XYLT1: variants seen among roughly 807,000 people sequenced by gnomAD.
The protein encoded by XYLT1 is xylosyltransferase 1.
In XYLT1, 36 loss-of-function variants were observed where a neutral mutation model predicts 91.3. That is an observed-to-expected ratio of 0.39 (90% confidence interval 0.30 to 0.52). XYLT1 has a LOEUF of 0.52. XYLT1 is among the 20% of genes least tolerant of loss of function. The probability of loss-of-function intolerance (pLI) is 0.68; values close to 1 mark genes in which losing one functional copy is unlikely to be tolerated. For synonymous variants in XYLT1, 588 were observed against 532.0 expected (o/e 1.11, Z -1.45); for missense variants, 1,242 against 1,284.5 (o/e 0.97, Z 0.51).
At chr16:17,351,832 A>G (rs1026371840) in intron 2 of XYLT1, among the ~76,000 whole-genome samples, 3 of 150,580 alleles carry the variant, frequency 2.0e-5, no homozygotes, top group Non-Finnish European at 2.9e-5. Flanking sequence ...AGCATCCTTC[A>G]CCCCGAAGTT....
At chr16:17,375,503 C>G (rs868131110) in intron 1 of XYLT1, among the ~76,000 whole-genome samples, 4 of 151,838 alleles carry the variant, frequency 2.6e-5, no homozygotes, top group South Asian at 4.2e-4. Flanking sequence ...CACACACACA[C>G]AGAAAAGATT....
intron 2 of XYLT1, among the ~76,000 whole-genome samples, chr16:17,343,024 C>A (rs1223396493): frequency 2.0e-5 from 3 of 152,128 alleles, no homozygotes; most frequent in Non-Finnish European, 2.9e-5. Context: ...CACAGCTGCC[C>A]GCAGAGAACA....
intron 8 of XYLT1, among the ~76,000 whole-genome samples, chr16:17,136,359 C>A (rs1229529257): frequency 6.6e-6 from 1 of 152,100 alleles, no homozygotes; most frequent in Non-Finnish European, 1.5e-5. Flanking sequence ...TCGTAAGTAC[C>A]CTTGGTGTTA....
intron 1 of XYLT1, 21 bp downstream of exon 1, chr16:17,470,413 C>T: frequency 8.2e-7 from 1 of 1,225,870 alleles, no homozygotes; most frequent in East Asian, 3.2e-5. Context: ...CCGCGGGGCG[C>T]GAGCCGAAAG....
At chr16:17,140,620 C>T (rs189089525) in intron 7 of XYLT1, among the ~76,000 whole-genome samples, 3 of 132,874 alleles carry the variant, frequency 2.3e-5, no homozygotes, top group East Asian at 4.5e-4. Flanking sequence ...GAGACTGTGC[C>T]ACTGCAGTCC....
intron 1 of XYLT1, among the ~76,000 whole-genome samples, chr16:17,377,175 T>TCACACACACACACACACACACACACACC (rs376242678): frequency 0.048 from 7,199 of 150,862 alleles, 223 homozygotes; most frequent in Non-Finnish European, 0.071. Context: ...AGACTCTGCC[T>TCACACACACACACACACACACACACACC]CACACACACA....
At chr16:17,207,052 CTT>C (rs1211378641) in intron 3 of XYLT1, among the ~76,000 whole-genome samples, 56 of 121,062 alleles carry the variant, frequency 4.6e-4, no homozygotes, top group African/African-American at 1.6e-3. Context: ...TCTTTTCTTT[CTT>C]TTTTTTTTTT....
chr16:17,197,962 G>A (rs1751837374), intron 5 of XYLT1: 2 of 559,172 alleles, frequency 3.6e-6, no homozygotes, highest in Non-Finnish European at 3.2e-6. Context: ...GCGGGTTGGA[G>A]TTTCCGTCTG....
At chr16:17,331,337 C>T (rs1035556367) in intron 2 of XYLT1, among the ~76,000 whole-genome samples, 1 of 152,198 alleles carries the variant, frequency 6.6e-6, no homozygotes, top group African/African-American at 2.4e-5. Context: ...AGGCCATGTC[C>T]TCTCGGCATG....
intron 9 of XYLT1, among the ~76,000 whole-genome samples, chr16:17,128,709 A>G (rs1272495158): frequency 6.6e-6 from 1 of 152,198 alleles, no homozygotes; most frequent in Non-Finnish European, 1.5e-5. Flanking sequence ...TGATCCACAA[A>G]AACTTGCTGG....
chr16:17,266,927 A>T (rs1173483950), intron 2 of XYLT1, among the ~76,000 whole-genome samples: 1 of 152,230 alleles, frequency 6.6e-6, no homozygotes, highest in South Asian at 2.1e-4. Context: ...CAGGCTGCCA[A>T]TGCAAATAGA....
At chr16:17,200,116 G>A (rs1354877839) in intron 4 of XYLT1, among the ~76,000 whole-genome samples, 1 of 151,986 alleles carries the variant, frequency 6.6e-6, no homozygotes, top group Non-Finnish European at 1.5e-5. Flanking sequence ...AGCTACTTGG[G>A]AGGCTGAGGC....
At chr16:17,328,407 G>C (rs2034845190) in intron 2 of XYLT1, among the ~76,000 whole-genome samples, 1 of 151,848 alleles carries the variant, frequency 6.6e-6, no homozygotes, top group Non-Finnish European at 1.5e-5. Flanking sequence ...AAATTAGCCA[G>C]GCATGGTGGC....
chr16:17,223,649 T>C (rs980609494), intron 3 of XYLT1, among the ~76,000 whole-genome samples: 2 of 152,224 alleles, frequency 1.3e-5, no homozygotes, highest in African/African-American at 2.4e-5. Flanking sequence ...GGAAAGGGCC[T>C]GGATCCCTGA....
intron 11 of XYLT1, among the ~76,000 whole-genome samples, chr16:17,114,727 A>G (rs1013710789): frequency 2.0e-5 from 3 of 152,196 alleles, no homozygotes; most frequent in Non-Finnish European, 4.4e-5. Context: ...TGAGTTTGTG[A>G]TCTGTTAGAG....
At chr16:17,112,507 C>T (rs539183901) in intron 11 of XYLT1, among the ~76,000 whole-genome samples, 12 of 152,164 alleles carry the variant, frequency 7.9e-5, no homozygotes, top group African/African-American at 2.2e-4. Context: ...ACTCCACTGG[C>T]GTGGGGGTGT....
chr16:17,332,585 C>T lies in XYLT1; in HGVS notation c.402+25427G>A, dbSNP rs1021507407. 1.3e-3 allele frequency among the ~76,000 whole-genome samples: 190 copies of T among 150,936 alleles called. 2 individuals are homozygous for T. Among genetic ancestry groups the T allele is most frequent in the Non-Finnish European group, 1.8e-3 (119 of 67,474 alleles). On this transcript the variant is annotated intron_variant, in intron 2 of 11. Transcript: ENST00000261381. ...ACACACATACACACACACACACACACACACACACACACACACACACACACA... is the reference window on the plus strand; with the variant it reads ...ACACACATACACACACACACACACATACACACACACACACACACACACACA...
At chr16:17,186,493 G>A (rs893102418) in intron 5 of XYLT1, among the ~76,000 whole-genome samples, 3 of 124,572 alleles carry the variant, frequency 2.4e-5, no homozygotes, top group Admixed American at 1.7e-4. Flanking sequence ...TTTTAGAAAT[G>A]GGGGTCTTGC....
chr16:17,244,093 C>CAGT (rs1419218842), intron 3 of XYLT1, among the ~76,000 whole-genome samples: 4 of 152,114 alleles, frequency 2.6e-5, no homozygotes, highest in African/African-American at 9.7e-5. Context: ...CCGAGGGGCT[C>CAGT]AGTAGCATTG....
Sources: allele counts gnomAD v4.1 joint callset (sites outside exome capture counted in the v4.1 genomes callset), GRCh38; gene constraint gnomAD v4.1.1; transcripts MANE v1.5; gene names NCBI Gene and HGNC (gene_info 2026-07-23, HGNC 2026-07-21).